UNC13C: variants seen among roughly 807,000 people sequenced by gnomAD.
UNC13C encodes unc-13 homolog C, also known as protein unc-13 homolog C.
UNC13C carries 174 observed loss-of-function variants against 245.4 expected under a neutral mutation model. The ratio of observed to expected loss-of-function variants is 0.71; its 90% CI spans 0.63 to 0.80. UNC13C has a LOEUF of 0.80. Among genes scored for constraint, UNC13C ranks in the 30% least tolerant of loss-of-function variants. The probability of loss-of-function intolerance (pLI) is 0.00; values close to 1 mark genes in which losing one functional copy is unlikely to be tolerated. For synonymous variants in UNC13C, 992 were observed against 895.1 expected (o/e 1.11, Z -1.93); for missense variants, 2,829 against 2,602.9 (o/e 1.09, Z -1.89).
Position 54,627,158 on chromosome 15 carries a change from CTGCATGCATGTGCAAA to C in UNC13C, c.*47_*62del, listed in dbSNP as rs757473917. ...ATACATAACTATAATTGTTTGACTA[CTGCATGCATGTGCAAA>C]TACATGGGAATGTTTAGTTCACTAC... On this transcript the variant is annotated 3_prime_UTR_variant, in exon 33 of 33. Transcript: ENST00000260323. 5.9e-6 allele frequency: 9 copies of C among 1,536,422 alleles called. No homozygotes were observed. Among genetic ancestry groups the C allele is most frequent in the Non-Finnish European group, 2.6e-6 (3 of 1,137,134 alleles).
intron 2 of UNC13C, 131 bp downstream of exon 2, chr15:54,016,017 G>A: frequency 1.2e-6 from 1 of 802,918 alleles, no homozygotes. Context: ...TTTACTCTGA[G>A]GAGCATTTTG....
intron 19 of UNC13C, among the ~76,000 whole-genome samples, chr15:54,433,122 A>G (rs1182790738): frequency 2.0e-5 from 3 of 152,080 alleles, no homozygotes; most frequent in Non-Finnish European, 2.9e-5. Flanking sequence ...ACAGCCCAGG[A>G]CCAGATGGAG....
At chr15:53,862,501 C>T in the UNC13C span, among the ~76,000 whole-genome samples, 4 of 152,098 alleles carry the variant, frequency 2.6e-5, no homozygotes, top group African/African-American at 9.7e-5. Context: ...GTACAAAGTG[C>T]ATGTTTAAGA....
intron 17 of UNC13C, among the ~76,000 whole-genome samples, 166 bp from the exon 18 acceptor site, chr15:54,392,882 T>A (rs902080272): frequency 6.6e-6 from 1 of 152,014 alleles, no homozygotes; most frequent in African/African-American, 2.4e-5. Flanking sequence ...TTCTATGGGA[T>A]GTCATTCAAT....
At chr15:54,624,379 G>A (rs1489506098) in intron 32 of UNC13C, among the ~76,000 whole-genome samples, 1 of 133,722 alleles carries the variant, frequency 7.5e-6, no homozygotes, top group Non-Finnish European at 1.6e-5. Flanking sequence ...GCATGGAAGA[G>A]CAGAACATTT....
At chr15:54,050,000 C>T (rs983026393) in intron 2 of UNC13C, 2 of 228,254 alleles carry the variant, frequency 8.8e-6, no homozygotes, top group Non-Finnish European at 1.8e-5. Context: ...GACAGAGTCT[C>T]ACTCTGTCTC....
intron 31 of UNC13C, among the ~76,000 whole-genome samples, chr15:54,622,750 C>A (rs1900875156): frequency 6.6e-6 from 1 of 152,110 alleles, no homozygotes; most frequent in South Asian, 2.1e-4. Context: ...ATTCACAAAA[C>A]CTACTGCTTT....
intron 18 of UNC13C, among the ~76,000 whole-genome samples, chr15:54,410,868 A>G (rs1179902381): frequency 6.6e-6 from 1 of 152,054 alleles, no homozygotes; most frequent in Non-Finnish European, 1.5e-5. Flanking sequence ...ATGAATTTAG[A>G]ATTTTTCTTC....
chr15:53,850,542 A>G, the UNC13C span, among the ~76,000 whole-genome samples: 1 of 152,204 alleles, frequency 6.6e-6, no homozygotes, highest in African/African-American at 2.4e-5. Context: ...TATTTCTGAT[A>G]CGAATCTGCA....
rs756151588 is a variant in UNC13C at position 54,511,864 on chromosome 15, C to T, written c.5457+34C>T. 3.4e-6 allele frequency: 5 copies of T among 1,484,358 alleles called. No homozygotes were observed. In the Admixed American group the frequency reaches 9.0e-5, roughly 27 times the overall value. 91.9% of individuals were successfully genotyped at this position (1,484,358 alleles called of 1,614,324 possible). ...CTTTTTCTCCTACATTTGCTAAAAA[C>T]CTACTTAGAGATTATTAGCAGCATA... is the stretch of plus-strand genomic sequence containing the variant. On this transcript the variant is annotated intron_variant, in intron 24 of 32. Transcript: ENST00000260323.
chr15:54,400,802 C>T (rs2040165860), intron 18 of UNC13C, among the ~76,000 whole-genome samples: 1 of 152,100 alleles, frequency 6.6e-6, no homozygotes, highest in Non-Finnish European at 1.5e-5. Context: ...GCACAACGTG[C>T]AGGTTTTTTA....
intron 17 of UNC13C, among the ~76,000 whole-genome samples, chr15:54,378,885 A>T (rs2039661638): frequency 1.3e-5 from 2 of 151,996 alleles, no homozygotes; most frequent in Admixed American, 1.3e-4. Context: ...CAATTTTGAG[A>T]TGTTAAAAAC....
At chr15:54,271,600 C>T (rs556006648) in intron 10 of UNC13C, among the ~76,000 whole-genome samples, 6 of 152,264 alleles carry the variant, frequency 3.9e-5, no homozygotes, top group South Asian at 2.1e-4. Flanking sequence ...ATAGTTGAGG[C>T]CTTGGTGCCT....
At chr15:54,487,363 A>G (rs1893468009) in intron 19 of UNC13C, among the ~76,000 whole-genome samples, 1 of 152,160 alleles carries the variant, frequency 6.6e-6, no homozygotes, top group Admixed American at 6.5e-5. Flanking sequence ...GTATTTTGCT[A>G]AGATTTAATA....
At chr15:53,920,722 A>G in the UNC13C span, among the ~76,000 whole-genome samples, 1 of 151,796 alleles carries the variant, frequency 6.6e-6, no homozygotes, top group African/African-American at 2.4e-5. Flanking sequence ...TCTTCTCCAT[A>G]AGAGAACCAT....
At chr15:53,960,790 C>A in the UNC13C span, among the ~76,000 whole-genome samples, 92 of 152,270 alleles carry the variant, frequency 6.0e-4, no homozygotes, top group African/African-American at 2.1e-3. Flanking sequence ...TAGATACTCC[C>A]ATCTTCTCTG....
At chr15:54,104,591 A>G (rs935514285) in intron 2 of UNC13C, among the ~76,000 whole-genome samples, 2 of 152,092 alleles carry the variant, frequency 1.3e-5, no homozygotes, top group African/African-American at 4.8e-5. Flanking sequence ...CAGATTTCTA[A>G]CAGTCAAGAG....
At chr15:53,975,455 A>G (rs2140938408), upstream of UNC13C, among the ~76,000 whole-genome samples, 1 of 152,338 alleles carries the variant, frequency 6.6e-6, no homozygotes, top group African/African-American at 2.4e-5. Flanking sequence ...TTTAAAAAAT[A>G]TAATAGTGAG....
intron 32 of UNC13C, among the ~76,000 whole-genome samples, chr15:54,626,556 C>T (rs1901167126): frequency 6.6e-6 from 1 of 152,126 alleles, no homozygotes; most frequent in Non-Finnish European, 1.5e-5. Context: ...TCCAACTCCA[C>T]CGCACCCGCA....
Sources: gnomAD v4.1 joint callset for allele counts (sites outside exome capture counted in the v4.1 genomes callset) on GRCh38, gnomAD v4.1.1 for gene constraint, MANE v1.5 for transcripts, NCBI Gene and HGNC (gene_info 2026-07-23, HGNC 2026-07-21) for gene names.